Variants in TENM2 observed in about 807,000 individuals in gnomAD.
The protein encoded by TENM2 is teneurin-2.
In TENM2, 52 loss-of-function variants were observed where a neutral mutation model predicts 245.2. The observed-to-expected ratio is 0.21, with a 90% CI of 0.17 to 0.27. TENM2 has a LOEUF of 0.27. TENM2 is among the 10% of genes least tolerant of loss of function. The pLI, the probability that TENM2 is intolerant of heterozygous loss-of-function variation, is 1.00. For synonymous variants in TENM2, 1,363 were observed against 1,438.9 expected (o/e 0.95, Z 1.19); for missense variants, 3,046 against 3,666.8 (o/e 0.83, Z 4.37).
intron 2 of TENM2, among the ~76,000 whole-genome samples, chr5:167,642,306 A>C (rs1779665531): frequency 6.6e-6 from 1 of 152,158 alleles, no homozygotes; most frequent in Admixed American, 6.5e-5. Flanking sequence ...GGGAATGAGA[A>C]GGAGACAATG....
At chr5:167,224,274 T>C in the TENM2 span, among the ~76,000 whole-genome samples, 3 of 152,106 alleles carry the variant, frequency 2.0e-5, no homozygotes, top group Non-Finnish European at 4.4e-5. Flanking sequence ...TCTAGACCAA[T>C]ATCCTGAATA....
intron 2 of TENM2, among the ~76,000 whole-genome samples, chr5:167,582,111 G>A (rs1775137080): frequency 6.6e-6 from 1 of 152,044 alleles, no homozygotes; most frequent in Non-Finnish European, 1.5e-5. Context: ...GAAAAACCAG[G>A]CTAGGGTTTC....
chr5:167,997,279 T>TGA (rs1784120885), intron 5 of TENM2, among the ~76,000 whole-genome samples: 1 of 152,152 alleles, frequency 6.6e-6, no homozygotes, highest in Admixed American at 6.5e-5. Context: ...AGATTGCAGT[T>TGA]AACCAGTTTC....
At position 168,004,517 on chromosome 5, in the gene TENM2, GCACACA is replaced by G. The variant is rs550787443; in HGVS notation, c.1186+11371_1186+11376del. 9.8e-3 allele frequency among the ~76,000 whole-genome samples: 1,295 copies of G among 132,170 alleles called. 7 individuals carry two copies. The highest frequency in any genetic ancestry group is 0.017 in the South Asian group (64 of 3,780). The allele number at this position is 132,170 out of a possible 152,430, so 86.7% of individuals were successfully genotyped here. On this transcript the variant is annotated intron_variant, in intron 5 of 28. Coordinates refer to ENST00000518659, the Ensembl canonical transcript of TENM2. The stretch of plus-strand genomic sequence containing the variant: ...TTGGGATGCACGCATGCGCGCGCGC[GCACACA>G]CACACACACACACACACACACACAC...
chr5:167,092,190 A>G, the TENM2 span, among the ~76,000 whole-genome samples: 1 of 152,162 alleles, frequency 6.6e-6, no homozygotes, highest in African/African-American at 2.4e-5. Flanking sequence ...CTAAAGAAGA[A>G]AAACATTTAG....
intron 9 of TENM2, among the ~76,000 whole-genome samples, chr5:168,105,835 G>C (rs879614324): frequency 6.6e-6 from 1 of 152,034 alleles, no homozygotes; most frequent in Non-Finnish European, 1.5e-5. Flanking sequence ...TCCCTTGCAT[G>C]GTTTTCTCAT....
intron 13 of TENM2, among the ~76,000 whole-genome samples, chr5:168,177,868 G>A (rs915784374): frequency 1.3e-5 from 2 of 152,134 alleles, no homozygotes; most frequent in African/African-American, 2.4e-5. Flanking sequence ...CAAAATAAAC[G>A]AGAAAATCTC....
At chr5:168,127,658 T>TA (rs1200652246) in intron 12 of TENM2, among the ~76,000 whole-genome samples, 2 of 152,238 alleles carry the variant, frequency 1.3e-5, no homozygotes, top group African/African-American at 4.8e-5. Context: ...TAAACGTACC[T>TA]AATCATCCCT....
Position 167,925,413 on chromosome 5 carries a change from G to A in TENM2, c.713-27175G>A, listed in dbSNP as rs146890201. On this transcript the variant is annotated intron_variant, in intron 3 of 28. Coordinates refer to ENST00000518659, the Ensembl canonical transcript of TENM2. ...GCACGAGGGAACTTTCTGGAGTGGT[G>A]GAAATATTCTCTATCCTGAGAAAGC... 1.1e-3 allele frequency among the ~76,000 whole-genome samples: 161 copies of A among 152,292 alleles called. 1 individual carries two copies. The highest frequency in any genetic ancestry group is 3.8e-3 in the African/African-American group (158 of 41,568).
chr5:167,641,627 A>C (rs575709435), intron 2 of TENM2, among the ~76,000 whole-genome samples: 1 of 152,220 alleles, frequency 6.6e-6, no homozygotes, highest in Non-Finnish European at 1.5e-5. Context: ...GTTACTGAGC[A>C]TCAAAATCAA....
At chr5:167,852,578 A>G (rs1386618584) in intron 2 of TENM2, among the ~76,000 whole-genome samples, 2 of 152,352 alleles carry the variant, frequency 1.3e-5, no homozygotes, top group Non-Finnish European at 1.5e-5. Context: ...TAGTTTTAAC[A>G]TTTGACAGCA....
At chr5:167,872,296 TAGAAAGAAAGAAAGAAAGAA>T (rs56684638) in intron 2 of TENM2, among the ~76,000 whole-genome samples, 1,468 of 104,566 alleles carry the variant, frequency 0.014, 22 homozygotes, top group Middle Eastern at 0.027. Context: ...AAGAGAAAGA[TAGAAAGAAAGAAAGAAAGAA>T]AGAAAGAAAG....
intron 13 of TENM2, among the ~76,000 whole-genome samples, chr5:168,180,128 G>A (rs1349739238): frequency 6.6e-6 from 1 of 152,196 alleles, no homozygotes; most frequent in Non-Finnish European, 1.5e-5. Context: ...ACTGCCACTT[G>A]TGACTATTGA....
chr5:167,001,139 T>G, the TENM2 span, among the ~76,000 whole-genome samples: 3 of 152,190 alleles, frequency 2.0e-5, no homozygotes, highest in African/African-American at 7.2e-5. Flanking sequence ...CTTTTCTAAC[T>G]GAAAACCCTC....
chr5:167,272,348 A>G, the TENM2 span, among the ~76,000 whole-genome samples: 1 of 152,200 alleles, frequency 6.6e-6, no homozygotes, highest in African/African-American at 2.4e-5. Flanking sequence ...GGCACCGTGC[A>G]TTATCCATTA....
chr5:167,595,630 G>C (rs116805111), intron 2 of TENM2, among the ~76,000 whole-genome samples: 1 of 152,186 alleles, frequency 6.6e-6, no homozygotes, highest in African/African-American at 2.4e-5. Context: ...TTTGGATTTC[G>C]TTAGTTGTTT....
chr5:168,014,031 C>T (rs766527768), intron 5 of TENM2, among the ~76,000 whole-genome samples: 3 of 152,216 alleles, frequency 2.0e-5, no homozygotes, highest in Non-Finnish European at 4.4e-5. Context: ...GATTAGAGCT[C>T]ACCCTATTGA....
intron 2 of TENM2, among the ~76,000 whole-genome samples, chr5:167,637,329 T>C (rs1779268997): frequency 6.6e-6 from 1 of 152,262 alleles, no homozygotes; most frequent in Non-Finnish European, 1.5e-5. Context: ...TCCTTGAAGG[T>C]TGGGTAGGAT....
chr5:167,618,823 T>C (rs1306400548), intron 2 of TENM2, among the ~76,000 whole-genome samples: 1 of 152,116 alleles, frequency 6.6e-6, no homozygotes, highest in Admixed American at 6.6e-5. Flanking sequence ...TTTACCTGTA[T>C]AAATGTGTCT....
Sources: gnomAD v4.1 joint callset for allele counts (sites outside exome capture counted in the v4.1 genomes callset) on GRCh38, gnomAD v4.1.1 for gene constraint, MANE v1.5 for transcripts, NCBI Gene and HGNC (gene_info 2026-07-23, HGNC 2026-07-21) for gene names.